ITPR1: variants seen among roughly 807,000 people sequenced by gnomAD.
The protein encoded by ITPR1 is inositol 1,4,5-trisphosphate-gated calcium channel ITPR1.
A neutral mutation model predicts 318.4 loss-of-function variants in ITPR1; 96 were observed. The observed-to-expected ratio is 0.30, with a 90% CI of 0.26 to 0.36. The LOEUF is 0.36. Among genes scored for constraint, ITPR1 ranks in the 10% least tolerant of loss-of-function variants. The pLI is 1.00. For missense variants in ITPR1, 2,440 were observed against 3,460.2 expected, an observed-to-expected ratio of 0.71 and a Z score of 7.40; for synonymous variants, 1,312 against 1,289.9, an observed-to-expected ratio of 1.02 and a Z score of -0.37.
chr3:4,830,884 A>G (rs2050433397), intron 60 of ITPR1: 2 of 454,632 alleles, frequency 4.4e-6, no homozygotes, highest in Non-Finnish European at 8.9e-6. Context: ...TCATTCTCTG[A>G]TTTGGCTATA....
At position 4,836,451 on chromosome 3, in the gene ITPR1, C is replaced by A. The variant is rs1357303079; in HGVS notation, c.8029-323C>A. Among the ~76,000 whole-genome samples, 4 of 152,166 alleles carry A rather than the reference C, an allele frequency of 2.6e-5. No individual in the cohort carries two copies. The South Asian group carries it at 6.2e-4, about 24-fold the overall frequency. On this transcript the variant is annotated intron_variant, in intron 60 of 61. Transcript: ENST00000649015. Reference sequence around the variant, plus strand: ...CACAATTTTTTAAAAAAACCAAACTCATCAGCCATGTAATTTGCAAAGATC... The same window carrying A: ...CACAATTTTTTAAAAAAACCAAACTAATCAGCCATGTAATTTGCAAAGATC...
At chr3:4,819,651 T>C (rs1322706238) in intron 60 of ITPR1, among the ~76,000 whole-genome samples, 1 of 152,184 alleles carries the variant, frequency 6.6e-6, no homozygotes, top group African/African-American at 2.4e-5. Context: ...CCTCTAGTAT[T>C]GTATTTGGTT....
rs905746280 is a variant in ITPR1 at position 4,658,109 on chromosome 3, A to G, written c.997-15A>G. The G allele has an allele frequency of 1.3e-6, 2 of 1,598,668 alleles. No homozygotes were observed. The highest frequency in any genetic ancestry group is 1.7e-5 in the Admixed American group (1 of 58,708). On this transcript the variant is annotated splice_polypyrimidine_tract_variant and intron_variant, in intron 12 of 61. Coordinates refer to ENST00000649015, the MANE Select transcript of ITPR1 (RefSeq NM_001378452.1). ...GGCATGCATGGTTCTTGATTTGGTG[A>G]CTTTACCTCCTCAGGTGGACCCTGA... is the stretch of plus-strand genomic sequence containing the variant.
intron 34 of ITPR1, 50 bp downstream of exon 34, chr3:4,697,322 G>GTGTA: frequency 1.6e-6 from 2 of 1,253,384 alleles, no homozygotes; most frequent in Non-Finnish European, 2.2e-6. Flanking sequence ...AGAGGTGTGT[G>GTGTA]TGTGTGTGTG....
intron 40 of ITPR1, among the ~76,000 whole-genome samples, chr3:4,721,892 A>G (rs547382198): frequency 6.6e-6 from 1 of 152,240 alleles, no homozygotes; most frequent in Non-Finnish European, 1.5e-5. Flanking sequence ...GACACCAGAA[A>G]TAGTCACCTT....
chr3:4,520,216 T>A (rs1252990468), intron 3 of ITPR1, among the ~76,000 whole-genome samples: 5 of 152,208 alleles, frequency 3.3e-5, no homozygotes, highest in African/African-American at 1.2e-4. Flanking sequence ...TTGTGTAACT[T>A]CTCAGAGTCT....
chr3:4,706,236 A>G lies in ITPR1; in HGVS notation c.4727A>G (p.His1576Arg). 1 of 1,614,044 alleles carries G rather than the reference A, an allele frequency of 6.2e-7. No individual in the cohort carries two copies. Among genetic ancestry groups the G allele is most frequent in the Non-Finnish European group, 8.5e-7 (1 of 1,179,902 alleles). ...GTCAACAACCTCTTTCTCAAGTCCC[A>G]CAGCATTGTGCAGAAAACAGCCATG... ...SQVNNLFLKSHSIVQKTAMNW... is the reference protein window; with the variant it reads ...SQVNNLFLKSRSIVQKTAMNW... The change falls in exon 37 of 62, where the codon CAC becomes CGC. Residue 1576 changes from histidine to arginine, a missense_variant. His to Arg is a conservative substitution (Grantham distance 29). Transcript: ENST00000649015.
chr3:4,836,299 A>C (rs1366953993), intron 60 of ITPR1, among the ~76,000 whole-genome samples: 1 of 152,202 alleles, frequency 6.6e-6, no homozygotes, highest in East Asian at 1.9e-4. Context: ...CACTTGGGGA[A>C]GATAAAAAAA....
chr3:4,602,678 T>C (rs994070228), intron 4 of ITPR1, among the ~76,000 whole-genome samples: 1 of 152,056 alleles, frequency 6.6e-6, no homozygotes, highest in African/African-American at 2.4e-5. Flanking sequence ...TATTCAGTCA[T>C]AAAAAGGAAT....
intron 49 of ITPR1, among the ~76,000 whole-genome samples, chr3:4,780,883 T>C (rs761390337): frequency 2.6e-5 from 4 of 152,102 alleles, no homozygotes; most frequent in African/African-American, 4.8e-5. Flanking sequence ...CTATCTCAGG[T>C]GGGGAAAATG....
At chr3:4,606,938 G>A (rs2091746673) in intron 4 of ITPR1, among the ~76,000 whole-genome samples, 1 of 152,192 alleles carries the variant, frequency 6.6e-6, no homozygotes, top group African/African-American at 2.4e-5. Context: ...AATTTGGAAT[G>A]GCTGGAGTGA....
chr3:4,642,342 G>A, intron 7 of ITPR1, 91 bp downstream of exon 7: 1 of 998,686 alleles, frequency 1.0e-6, no homozygotes. Context: ...GTTGAAAGTT[G>A]GAACCAGAGG....
chr3:4,546,646 C>G (rs1233411193), intron 4 of ITPR1, among the ~76,000 whole-genome samples: 1 of 151,932 alleles, frequency 6.6e-6, no homozygotes, highest in African/African-American at 2.4e-5. Flanking sequence ...AAAACGTCAT[C>G]TACTTAAACA....
chr3:4,809,504 A>G (rs1388680134), intron 55 of ITPR1, among the ~76,000 whole-genome samples: 4 of 152,214 alleles, frequency 2.6e-5, no homozygotes, highest in Non-Finnish European at 1.5e-5. Context: ...TAAACAATAT[A>G]TATCTATAAA....
intron 44 of ITPR1, among the ~76,000 whole-genome samples, chr3:4,758,169 A>C (rs2045152545): frequency 1.3e-5 from 2 of 152,320 alleles, no homozygotes; most frequent in Non-Finnish European, 2.9e-5. Context: ...TAGATGGGTC[A>C]GGGCCATGTC....
chr3:4,566,479 G>A (rs1559458955), intron 4 of ITPR1, among the ~76,000 whole-genome samples: 3 of 152,130 alleles, frequency 2.0e-5, no homozygotes, highest in Admixed American at 6.5e-5. Flanking sequence ...TTAAAGGTAA[G>A]GAATAGGTGG....
chr3:4,744,483 C>A (rs1173664718), intron 44 of ITPR1, among the ~76,000 whole-genome samples: 1 of 152,136 alleles, frequency 6.6e-6, no homozygotes, highest in East Asian at 1.9e-4. Context: ...CAGACAGCTG[C>A]CTGTGTTTGT....
intron 44 of ITPR1, among the ~76,000 whole-genome samples, chr3:4,742,595 C>T (rs980739557): frequency 6.6e-6 from 1 of 152,118 alleles, no homozygotes; most frequent in African/African-American, 2.4e-5. Flanking sequence ...ATACAAAGAT[C>T]TCAAGATGAT....
In ITPR1 at chr3:4,847,470, T is replaced by C. The variant is rs1398619475; in HGVS notation, c.*1245T>C. The C allele has an allele frequency of 1.3e-5, 2 of 152,012 alleles. No individual in the cohort carries two copies. The highest frequency in any genetic ancestry group is 6.6e-5 in the Admixed American group (1 of 15,236). 9.4% of individuals were successfully genotyped at this position (152,012 alleles called of 1,614,324 possible). ...TGAGTAAAGTTTGTAAATGCATATA[T>C]AAAAATATTTAATAAATGATGCAGA... On this transcript the variant is annotated 3_prime_UTR_variant, in exon 62 of 62. Coordinates refer to ENST00000649015, the MANE Select transcript of ITPR1 (RefSeq NM_001378452.1).
Sources: allele counts gnomAD v4.1 joint callset (sites outside exome capture counted in the v4.1 genomes callset), GRCh38; gene constraint gnomAD v4.1.1; transcripts MANE v1.5; gene names NCBI Gene and HGNC (gene_info 2026-07-23, HGNC 2026-07-21).